Variants in KANSL1 observed in about 807,000 individuals in gnomAD.
KANSL1 encodes the protein KAT8 regulatory NSL complex subunit 1.
Under a neutral mutation model 103.6 loss-of-function variants are expected in KANSL1, and 22 were observed. The ratio of observed to expected loss-of-function variants is 0.21; its 90% confidence interval spans 0.15 to 0.30. The LOEUF is 0.30. KANSL1 is among the 10% of genes least tolerant of loss of function. KANSL1 has a pLI of 1.00. For missense variants in KANSL1, 1,337 were observed against 1,399.8 expected, an observed-to-expected ratio of 0.96 and a Z score of 0.72; for synonymous variants, 600 against 527.6, an observed-to-expected ratio of 1.14 and a Z score of -1.88.
At chr17:46,119,393 C>T (rs905669916) in intron 2 of KANSL1, among the ~76,000 whole-genome samples, 6 of 151,868 alleles carry the variant, frequency 4.0e-5, no homozygotes, top group African/African-American at 1.5e-4. Flanking sequence ...CTGCAACCTC[C>T]GCTTCCCAGG....
rs557460959 is a variant in KANSL1 at position 46,161,383 on chromosome 17, C to T, written c.1289+9472G>A. 3.9e-5 allele frequency among the ~76,000 whole-genome samples: 6 copies of T among 152,144 alleles called. No individual in the cohort carries two copies. In the East Asian group the frequency reaches 1.2e-3, roughly 29 times the overall value. On this transcript the variant is annotated intron_variant, in intron 2 of 14. Transcript: ENST00000432791. ...CCTGGAAGTTGGAGCTTGCAGTGAG[C>T]CCAGGTCATGCCACTGCACTCCAGC...
chr17:46,199,568 C>T (rs2047726254), intron 1 of KANSL1, among the ~76,000 whole-genome samples: 1 of 152,212 alleles, frequency 6.6e-6, no homozygotes, highest in South Asian at 2.1e-4. Context: ...TACAAGAATG[C>T]ATAGCATTCC....
At chr17:46,166,607 C>CAT (rs1379610084) in intron 2 of KANSL1, among the ~76,000 whole-genome samples, 3 of 152,180 alleles carry the variant, frequency 2.0e-5, no homozygotes, top group Admixed American at 6.5e-5. Context: ...GAACTGCATC[C>CAT]ATAGTCTATT....
At chr17:46,106,348 A>T (rs2042565335) in intron 2 of KANSL1, among the ~76,000 whole-genome samples, 1 of 152,166 alleles carries the variant, frequency 6.6e-6, no homozygotes, top group Admixed American at 6.5e-5. Flanking sequence ...ATGAAGAAAA[A>T]GCCTCTTAGT....
At chr17:46,175,260 CATT>C (rs995141937) in intron 1 of KANSL1, among the ~76,000 whole-genome samples, 3 of 150,976 alleles carry the variant, frequency 2.0e-5, no homozygotes, top group African/African-American at 4.9e-5. Flanking sequence ...ACTGAGAAAA[CATT>C]ATTCATAAAA....
intron 2 of KANSL1, among the ~76,000 whole-genome samples, chr17:46,096,896 CG>C (rs1474154596): frequency 2.0e-5 from 3 of 152,174 alleles, no homozygotes; most frequent in African/African-American, 7.2e-5. Flanking sequence ...GGATTACAGG[CG>C]TGAGCCACTG....
intron 2 of KANSL1, among the ~76,000 whole-genome samples, chr17:46,125,035 G>GGGAGGAGGGAGGGA (rs1598687701): frequency 5.2e-5 from 3 of 58,238 alleles, no homozygotes; most frequent in Non-Finnish European, 1.1e-4. Flanking sequence ...AGGGGAGGTA[G>GGGAGGAGGGAGGGA]GGAGGGAGGG....
intron 2 of KANSL1, among the ~76,000 whole-genome samples, chr17:46,140,233 A>G (rs2044352631): frequency 6.6e-6 from 1 of 152,230 alleles, no homozygotes; most frequent in African/African-American, 2.4e-5. Flanking sequence ...TACAACCGGA[A>G]AAAATTTTAA....
At chr17:46,096,302 C>CTTTTTTT (rs1273083741) in intron 2 of KANSL1, among the ~76,000 whole-genome samples, 2 of 82,556 alleles carry the variant, frequency 2.4e-5, no homozygotes, top group East Asian at 5.9e-4. Flanking sequence ...ACATACCTGG[C>CTTTTTTT]TTTTTTTTCT....
chr17:46,173,756 T>C (rs971248476), intron 1 of KANSL1, among the ~76,000 whole-genome samples: 8 of 152,222 alleles, frequency 5.3e-5, no homozygotes, highest in African/African-American at 1.7e-4. Context: ...GTTTTTCTTT[T>C]TTTAAGGGAG....
chr17:46,099,041 C>CTATATAAACTCAGCTTATCAGAGGTAAA (rs2042196392), intron 2 of KANSL1, among the ~76,000 whole-genome samples: 1 of 148,556 alleles, frequency 6.7e-6, no homozygotes, highest in Admixed American at 6.8e-5. Flanking sequence ...CAAATACAAG[C>CTATATAAACTCAGCTTATCAGAGGTAAA]GGCCGGGCGC....
chr17:46,062,114 C>CAAAAAAAAAAAA (rs1192815524), intron 6 of KANSL1, among the ~76,000 whole-genome samples: 1 of 37,126 alleles, frequency 2.7e-5, no homozygotes. Context: ...AAAAAACAAA[C>CAAAAAAAAAAAA]AAACAAAAAA....
At chr17:46,105,906 G>GAGAGACAC (rs778730504) in intron 2 of KANSL1, among the ~76,000 whole-genome samples, 1 of 95,266 alleles carries the variant, frequency 1.0e-5, no homozygotes, top group Admixed American at 9.7e-5. Context: ...GCAAGGCCTT[G>GAGAGACAC]ACACACACAC....
chr17:46,172,646 G>A (rs541762235), intron 1 of KANSL1, among the ~76,000 whole-genome samples: 4 of 152,162 alleles, frequency 2.6e-5, no homozygotes, highest in Non-Finnish European at 5.9e-5. Context: ...AGGAATTCCC[G>A]TGTTCACTAA....
rs71138525 is a variant in KANSL1 at position 46,096,311 on chromosome 17, C to CTTTTTTTTTTTTTTTTTTTTTTT, written c.1290-1611_1290-1610insAAAAAAAAAAAAAAAAAAAAAAA. 1.3e-3 allele frequency among the ~76,000 whole-genome samples: 101 copies of CTTTTTTTTTTTTTTTTTTTTTTT among 76,398 alleles called. 2 individuals carry two copies. Among genetic ancestry groups the CTTTTTTTTTTTTTTTTTTTTTTT allele is most frequent in the East Asian group, 5.3e-3 (11 of 2,074 alleles). The allele number at this position is 76,398 out of a possible 152,430, so 50.1% of individuals were successfully genotyped here. ...CATACTACATACCTGGCTTTTTTTT[C>CTTTTTTTTTTTTTTTTTTTTTTT]TTTTTTTTTTTTTTTTTTTTTGAGA... On this transcript the variant is annotated intron_variant, in intron 2 of 14. Coordinates refer to ENST00000432791, the MANE Select transcript of KANSL1 (RefSeq NM_015443.4).
chr17:46,049,434 C>G (rs1200502436), intron 7 of KANSL1: 2 of 152,000 alleles, frequency 1.3e-5, no homozygotes, highest in African/African-American at 4.8e-5. Context: ...AGGGGTTTCA[C>G]CATGTTGGCC....
chr17:46,197,827 G>A (rs990968269), upstream of KANSL1, among the ~76,000 whole-genome samples: 15 of 152,194 alleles, frequency 9.9e-5, no homozygotes, highest in Middle Eastern at 3.2e-3. Context: ...GATAATAAAC[G>A]TATTCCAAAA....
chr17:46,153,959 T>C (rs912658515), intron 2 of KANSL1, among the ~76,000 whole-genome samples: 1 of 152,234 alleles, frequency 6.6e-6, no homozygotes, highest in East Asian at 1.9e-4. Flanking sequence ...ACTCTCCTCA[T>C]GAGCTGCTGC....
chr17:46,193,751 T>C, upstream of KANSL1: 2 of 191,868 alleles, frequency 1.0e-5, no homozygotes, highest in Non-Finnish European at 2.3e-5. Context: ...GAGTCTAACC[T>C]GAGGCACTGA....
Sources: allele counts gnomAD v4.1 joint callset (sites outside exome capture counted in the v4.1 genomes callset), GRCh38; gene constraint gnomAD v4.1.1; transcripts MANE v1.5; gene names NCBI Gene and HGNC (gene_info 2026-07-23, HGNC 2026-07-21).